ABCA1: variants seen among roughly 807,000 people sequenced by gnomAD.
ABCA1 encodes ATP binding cassette subfamily A member 1.
Under a neutral mutation model 262.5 loss-of-function variants are expected in ABCA1, and 133 were observed. The ratio of observed to expected loss-of-function variants is 0.51; its 90% CI spans 0.44 to 0.59. The LOEUF is 0.59. ABCA1 is among the 20% of genes least tolerant of loss of function. The pLI is 0.00. For missense variants in ABCA1, 2,452 were observed against 2,777.5 expected (o/e 0.88, Z 2.63); for synonymous variants, 1,022 against 1,043.5 (o/e 0.98, Z 0.40).
rs4149270 is a variant in ABCA1 at position 104,884,796 on chromosome 9, G to C, written c.161-228C>G. ...GTAGAATGGGGTTCATGATACCAGC[G>C]TTGGAGAAGTGATGAGAGGGGTCCT... On this transcript the variant is annotated intron_variant, in intron 3 of 49. Transcript: ENST00000374736. Among the ~76,000 whole-genome samples the C allele has an allele frequency of 2.1e-4, 32 of 152,126 alleles. No individual in the cohort carries two copies. In the South Asian group the frequency reaches 6.6e-3, roughly 32 times the overall value.
intron 7 of ABCA1, 96 bp from the exon 8 acceptor site, chr9:104,845,665 G>A (rs1834805649): frequency 3.4e-6 from 3 of 873,682 alleles, no homozygotes; most frequent in Non-Finnish European, 5.6e-6. Flanking sequence ...TCACAATCTT[G>A]AGTTTAACAA....
chr9:104,866,390 T>C (rs935283936), intron 5 of ABCA1, among the ~76,000 whole-genome samples: 9 of 152,008 alleles, frequency 5.9e-5, no homozygotes, highest in Non-Finnish European at 1.2e-4. Context: ...TCTTACCCCA[T>C]CCTCATGACA....
chr9:104,845,203 C>T (rs1331709009), intron 8 of ABCA1, among the ~76,000 whole-genome samples: 1 of 152,098 alleles, frequency 6.6e-6, no homozygotes, highest in East Asian at 1.9e-4. Context: ...TGTATGATTA[C>T]CTAGGGGCAA....
At chr9:104,797,008 G>A (rs989386455) in intron 37 of ABCA1, among the ~76,000 whole-genome samples, 1 of 152,192 alleles carries the variant, frequency 6.6e-6, no homozygotes, top group Non-Finnish European at 1.5e-5. Flanking sequence ...AAGTGATAGT[G>A]GGGCTTGTCA....
At chr9:104,890,831 A>T (rs958488955) in intron 2 of ABCA1, among the ~76,000 whole-genome samples, 1 of 152,234 alleles carries the variant, frequency 6.6e-6, no homozygotes, top group Non-Finnish European at 1.5e-5. Flanking sequence ...ATAAAAAAAT[A>T]CAGAAAAGTT....
chr9:104,926,896 C>T (rs1005295270), intron 1 of ABCA1, among the ~76,000 whole-genome samples: 2 of 152,202 alleles, frequency 1.3e-5, no homozygotes, highest in African/African-American at 4.8e-5. Flanking sequence ...TCCGCAGGCT[C>T]TCCTAAGTCT....
Position 104,832,766 on chromosome 9 carries a change from C to T in ABCA1, c.1317G>A (p.Leu439=). The T allele has an allele frequency of 6.2e-7, 1 of 1,614,200 alleles. No homozygotes were observed. The highest frequency in any genetic ancestry group is 8.5e-7 in the Non-Finnish European group (1 of 1,180,032). ...AGTGGTCATTGTCCCTGCTGTCCAA[C>T]AGCATCTGCCATTCCAGTGAGAAAG... is the stretch of plus-strand genomic sequence containing the variant. ...NSQEMDLVRM[L]LDSRDNDHFW... The change falls in exon 12 of 50, where the codon CTG becomes CTA. Residue 439 remains leucine, a synonymous_variant. Coordinates refer to ENST00000374736, the MANE Select transcript of ABCA1 (RefSeq NM_005502.4).
chr9:104,786,453 C>T, intron 47 of ABCA1, 63 bp from the exon 48 acceptor site: 4 of 1,392,812 alleles, frequency 2.9e-6, no homozygotes, highest in Non-Finnish European at 4.1e-6. Context: ...GAGAACATCA[C>T]CATGACTTCC....
chr9:104,832,523 A>C, intron 12 of ABCA1, 51 bp downstream of exon 12: 1 of 1,589,806 alleles, frequency 6.3e-7, no homozygotes, highest in Non-Finnish European at 8.6e-7. Flanking sequence ...GTAACGTCTC[A>C]GAGAAAGAAG....
chr9:104,808,980 G>C (rs1237938102), intron 30 of ABCA1, among the ~76,000 whole-genome samples: 3 of 152,116 alleles, frequency 2.0e-5, no homozygotes, highest in Non-Finnish European at 4.4e-5. Flanking sequence ...TTTTTAAAAG[G>C]GGGTTTTGAA....
intron 1 of ABCA1, among the ~76,000 whole-genome samples, chr9:104,906,914 G>C (rs994868222): frequency 6.6e-6 from 1 of 152,028 alleles, no homozygotes; most frequent in Admixed American, 6.6e-5. Context: ...CTCTGATCCT[G>C]CTCCTAGATG....
At chr9:104,851,625 T>C (rs960059758) in intron 7 of ABCA1, among the ~76,000 whole-genome samples, 2 of 152,164 alleles carry the variant, frequency 1.3e-5, no homozygotes, top group African/African-American at 2.4e-5. Context: ...AAGACTGCAG[T>C]AGGAGGCCCC....
rs367845033 is a variant in ABCA1 at position 104,805,402 on chromosome 9, C to A, written c.4465-682G>T. Reference sequence around the variant, plus strand: ...TAGCTATTATTTTCAAGAGTGGTAACCAAGCCTTCTTTTAGTTCCTGTACT... The same window carrying A: ...TAGCTATTATTTTCAAGAGTGGTAAACAAGCCTTCTTTTAGTTCCTGTACT... On this transcript the variant is annotated intron_variant, in intron 31 of 49. Coordinates refer to ENST00000374736, the MANE Select transcript of ABCA1 (RefSeq NM_005502.4). Among the ~76,000 whole-genome samples the A allele has an allele frequency of 5.9e-5, 9 of 152,244 alleles. No individual in the cohort carries two copies. In the East Asian group the frequency reaches 7.7e-4, roughly 13 times the overall value.
At chr9:104,827,839 C>T (rs1832935089) in intron 15 of ABCA1, among the ~76,000 whole-genome samples, 1 of 152,132 alleles carries the variant, frequency 6.6e-6, no homozygotes, top group South Asian at 2.1e-4. Context: ...CAATAAAGTC[C>T]TTGACCTTCC....
rs146458003 is a variant in ABCA1 at position 104,883,804 on chromosome 9, G to A, written c.302+623C>T. Among the ~76,000 whole-genome samples the A allele has an allele frequency of 6.7e-3, 1,027 of 152,260 alleles. 18 individuals carry two copies. Among genetic ancestry groups the A allele is most frequent in the Middle Eastern group, 0.051 (15 of 294 alleles). Reference sequence around the variant, plus strand: ...CTTACTCCGTCCTAACTCACATCACGGTCCTGTGCATTTGAAGAATCCTCA... The same window carrying A: ...CTTACTCCGTCCTAACTCACATCACAGTCCTGTGCATTTGAAGAATCCTCA... On this transcript the variant is annotated intron_variant, in intron 4 of 49. Coordinates refer to ENST00000374736, the MANE Select transcript of ABCA1 (RefSeq NM_005502.4).
At chr9:104,921,419 T>G (rs1405335878) in intron 1 of ABCA1, among the ~76,000 whole-genome samples, 1 of 152,208 alleles carries the variant, frequency 6.6e-6, no homozygotes, top group Non-Finnish European at 1.5e-5. Context: ...ATGTCACTCT[T>G]ATTAACAAAA....
At chr9:104,869,476 A>G (rs2119134047) in intron 5 of ABCA1, among the ~76,000 whole-genome samples, 1 of 152,244 alleles carries the variant, frequency 6.6e-6, no homozygotes, top group East Asian at 1.9e-4. Flanking sequence ...GCTGGTAACA[A>G]ATACACTCCA....
chr9:104,910,594 G>C (rs575695835), intron 1 of ABCA1, among the ~76,000 whole-genome samples: 2 of 152,334 alleles, frequency 1.3e-5, no homozygotes, highest in Admixed American at 6.5e-5. Context: ...GAGTATGTGT[G>C]TGTGTGTATG....
chr9:104,804,650 G>C lies in ABCA1; in HGVS notation c.4535C>G (p.Thr1512Arg). 1 of 1,614,144 alleles carries C rather than the reference G, an allele frequency of 6.2e-7. No homozygotes were observed. Among genetic ancestry groups the C allele is most frequent in the Non-Finnish European group, 8.5e-7 (1 of 1,180,014 alleles). ...GRNISDYLVK[T>R]YVQIIAKSLK... ...CCTTTTGGCTATGATCTGCACATACGTCTTCACCAGATAATCCGAAATGTT... is the reference window on the plus strand; with the variant it reads ...CCTTTTGGCTATGATCTGCACATACCTCTTCACCAGATAATCCGAAATGTT... Residue 1512 changes from threonine (T) to arginine (R), a missense_variant, in exon 32 of 50, where the codon ACG (threonine) becomes AGG (arginine). Physicochemically the swap from Thr to Arg is moderately conservative, Grantham distance 71. Transcript: ENST00000374736.
Sources: allele counts gnomAD v4.1 joint callset (sites outside exome capture counted in the v4.1 genomes callset), GRCh38; gene constraint gnomAD v4.1.1; transcripts MANE v1.5; gene names NCBI Gene and HGNC (gene_info 2026-07-23, HGNC 2026-07-21).